Variants in CLMP observed in about 807,000 individuals in gnomAD.
The protein encoded by CLMP is CXADR-like membrane protein.
Under a neutral mutation model 45.2 loss-of-function variants are expected in CLMP, and 27 were observed. That is an observed-to-expected ratio of 0.60 (90% CI 0.44 to 0.82). The LOEUF is 0.82. CLMP is among the 40% of genes least tolerant of loss of function. The pLI is 0.00. For missense variants in CLMP, 403 were observed against 448.4 expected, an observed-to-expected ratio of 0.90 and a Z score of 0.91; for synonymous variants, 167 against 171.4, an observed-to-expected ratio of 0.97 and a Z score of 0.20.
intron 1 of CLMP, among the ~76,000 whole-genome samples, chr11:123,122,672 G>A (rs1385722793): frequency 2.0e-5 from 3 of 152,116 alleles, no homozygotes; most frequent in East Asian, 1.9e-4. Flanking sequence ...GCAGAGAAAC[G>A]TGAAAGCAAG....
chr11:123,089,192 T>C (rs11218973), intron 2 of CLMP, among the ~76,000 whole-genome samples: 3,135 of 151,226 alleles, frequency 0.021, 101 homozygotes, highest in East Asian at 0.18. Context: ...CCAGACGAGC[T>C]TGGCCAACGT....
At chr11:123,077,811 A>G (rs1170256700) in intron 5 of CLMP, among the ~76,000 whole-genome samples, 1 of 152,156 alleles carries the variant, frequency 6.6e-6, no homozygotes, top group African/African-American at 2.4e-5. Context: ...ATTTTTCACA[A>G]TGGAAAATAA....
At chr11:123,126,682 G>A (rs561317191) in intron 1 of CLMP, among the ~76,000 whole-genome samples, 21 of 152,210 alleles carry the variant, frequency 1.4e-4, no homozygotes, top group South Asian at 1.0e-3. Context: ...TGGATCACAA[G>A]GTCAGAAGAT....
rs536058414 is a variant in CLMP, at chr11:123,171,546, C to A, written c.28+23367G>T. Among the ~76,000 whole-genome samples, 3 of 150,480 alleles carry A rather than the reference C, an allele frequency of 2.0e-5. No individual in the cohort carries two copies. The East Asian group carries it at 5.9e-4, about 30-fold the overall frequency. ...GCGACTTCCACCTCTTGGGTTCAAGCAATTCCCTTGCCTCAGCCTTCCGAG... is the reference window on the plus strand; with the variant it reads ...GCGACTTCCACCTCTTGGGTTCAAGAAATTCCCTTGCCTCAGCCTTCCGAG... On this transcript the variant is annotated intron_variant, in intron 1 of 6. Transcript: ENST00000448775.
chr11:123,099,968 T>C (rs948901381), intron 1 of CLMP, among the ~76,000 whole-genome samples: 2 of 152,074 alleles, frequency 1.3e-5, no homozygotes, highest in Non-Finnish European at 2.9e-5. Context: ...TCTAGGATAG[T>C]GGTGAAGGCA....
intron 1 of CLMP, among the ~76,000 whole-genome samples, chr11:123,162,342 T>C (rs1455448331): frequency 6.6e-6 from 1 of 152,244 alleles, no homozygotes; most frequent in Non-Finnish European, 1.5e-5. Context: ...TGATTATTTA[T>C]GATTTATAAC....
intron 1 of CLMP, among the ~76,000 whole-genome samples, chr11:123,156,404 G>C (rs1861415327): frequency 6.6e-6 from 1 of 152,236 alleles, no homozygotes; most frequent in Non-Finnish European, 1.5e-5. Flanking sequence ...GAGGACTGTA[G>C]CCCAATCTTG....
intron 1 of CLMP, among the ~76,000 whole-genome samples, chr11:123,141,342 G>A (rs375550399): frequency 1.1e-3 from 165 of 151,750 alleles, no homozygotes; most frequent in African/African-American, 3.8e-3. Flanking sequence ...CCGCCACCAC[G>A]CCAGGCTAAT....
chr11:123,158,785 C>T (rs527843326), intron 1 of CLMP, among the ~76,000 whole-genome samples: 25 of 152,320 alleles, frequency 1.6e-4, no homozygotes, highest in Admixed American at 1.6e-3. Flanking sequence ...CAAGTTTCTT[C>T]ACCCCTGTGA....
chr11:123,074,196 A>C (rs1200473663), intron 6 of CLMP, among the ~76,000 whole-genome samples: 1 of 131,076 alleles, frequency 7.6e-6, no homozygotes, highest in Non-Finnish European at 1.6e-5. Flanking sequence ...TTTTTTTGAG[A>C]CATGCTCTTT....
chr11:123,152,975 C>A (rs373567471), intron 1 of CLMP, among the ~76,000 whole-genome samples: 2 of 152,086 alleles, frequency 1.3e-5, no homozygotes, highest in African/African-American at 4.8e-5. Flanking sequence ...CAGCCACTGG[C>A]GGATACAAAT....
chr11:123,195,052 C>A lies in CLMP; in HGVS notation c.-112G>T. ...TGGGCGCGGCGCCTCGGGGTGCGCG[C>A]GAGGTGGCTGCAGCCATGTGCCGGG... On this transcript the variant is annotated 5_prime_UTR_variant, in exon 1 of 7. Transcript: ENST00000448775. The A allele has an allele frequency of 8.4e-6, 9 of 1,069,352 alleles. No individual in the cohort carries two copies. The highest frequency in any genetic ancestry group is 1.2e-5 in the Non-Finnish European group (9 of 781,588). The allele number at this position is 1,069,352 out of a possible 1,614,324, so 66.2% of individuals were successfully genotyped here.
intron 1 of CLMP, among the ~76,000 whole-genome samples, chr11:123,157,149 T>C (rs1479317632): frequency 6.6e-6 from 1 of 152,066 alleles, no homozygotes. Context: ...TTCTGAGTAG[T>C]TTTAGGACAT....
intron 2 of CLMP, among the ~76,000 whole-genome samples, chr11:123,093,853 T>C (rs991220104): frequency 7.2e-5 from 11 of 152,278 alleles, no homozygotes; most frequent in African/African-American, 1.2e-4. Flanking sequence ...TTAGGACTTA[T>C]ATAGAACAGA....
At chr11:123,170,605 A>C (rs1393338405) in intron 1 of CLMP, among the ~76,000 whole-genome samples, 1 of 151,850 alleles carries the variant, frequency 6.6e-6, no homozygotes, top group African/African-American at 2.4e-5. Flanking sequence ...ACATCTGGCT[A>C]ATTTTTGGTA....
At chr11:123,177,756 G>A (rs2135545644) in intron 1 of CLMP, among the ~76,000 whole-genome samples, 1 of 152,230 alleles carries the variant, frequency 6.6e-6, no homozygotes, top group Admixed American at 6.5e-5. Flanking sequence ...GATGTTTCAT[G>A]GGCATATATG....
At chr11:123,119,052 C>A (rs11218993) in intron 1 of CLMP, among the ~76,000 whole-genome samples, 5 of 19,454 alleles carry the variant, frequency 2.6e-4, no homozygotes, top group South Asian at 2.2e-3. Context: ...TCTCCCTCTC[C>A]CTCTCTCTCT....
At chr11:123,134,737 G>C (rs901605275) in intron 1 of CLMP, among the ~76,000 whole-genome samples, 4 of 151,992 alleles carry the variant, frequency 2.6e-5, no homozygotes, top group Non-Finnish European at 5.9e-5. Context: ...GAACCCAGGA[G>C]GTGGAGGTTA....
At chr11:123,098,291 G>A in intron 1 of CLMP, among the ~76,000 whole-genome samples, 1 of 151,976 alleles carries the variant, frequency 6.6e-6, no homozygotes, top group East Asian at 1.9e-4. Context: ...GCAATGGCAT[G>A]ATCTCGGCTC....
Sources: gnomAD v4.1 joint callset for allele counts (sites outside exome capture counted in the v4.1 genomes callset) on GRCh38, gnomAD v4.1.1 for gene constraint, MANE v1.5 for transcripts, NCBI Gene and HGNC (gene_info 2026-07-23, HGNC 2026-07-21) for gene names.